KIF6: variants seen among roughly 807,000 people sequenced by gnomAD.
KIF6 encodes kinesin-like protein KIF6.
KIF6 carries 106 observed loss-of-function variants against 112.7 expected under a neutral mutation model. The observed-to-expected ratio is 0.94, with a 90% CI of 0.80 to 1.11. The LOEUF is 1.11. Among genes scored for constraint, KIF6 ranks in the 50% least tolerant of loss-of-function variants. KIF6 has a pLI of 0.00. For missense variants in KIF6, 929 were observed against 964.0 expected (o/e 0.96, Z 0.48); for synonymous variants, 339 against 339.9 (o/e 1.00, Z 0.03).
rs1295434555 is a variant in KIF6 at position 39,333,042 on chromosome 6, A to G, written c.*3490T>C. The G allele has an allele frequency of 6.6e-6, 1 of 152,222 alleles. No individual in the cohort carries two copies. The highest frequency in any genetic ancestry group is 1.5e-5 in the Non-Finnish European group (1 of 68,040). The allele number at this position is 152,222 out of a possible 1,614,324, so 9.4% of individuals were successfully genotyped here. On this transcript the variant is annotated 3_prime_UTR_variant, in exon 23 of 23. Transcript: ENST00000287152. ...TCAATCATACCCTATATTGCTTGTTATCCAATGGCTGAAAACCATTGGTTT... is the reference window on the plus strand; with the variant it reads ...TCAATCATACCCTATATTGCTTGTTGTCCAATGGCTGAAAACCATTGGTTT...
At chr6:39,429,648 G>A (rs1303852225) in intron 14 of KIF6, among the ~76,000 whole-genome samples, 4 of 152,204 alleles carry the variant, frequency 2.6e-5, no homozygotes, top group Admixed American at 6.5e-5. Context: ...AGTGGCTCAT[G>A]CCTGTAATCC....
intron 5 of KIF6, among the ~76,000 whole-genome samples, chr6:39,621,059 G>A (rs941174416): frequency 4.6e-5 from 7 of 151,608 alleles, no homozygotes; most frequent in Admixed American, 2.6e-4. Flanking sequence ...GTGAGCCACC[G>A]CACCCAGCCT....
chr6:39,460,536 T>TA (rs759528125), intron 13 of KIF6, among the ~76,000 whole-genome samples: 8,567 of 57,124 alleles, frequency 0.15, 525 homozygotes, highest in East Asian at 0.22. Flanking sequence ...AAAAAAAAAG[T>TA]AAAAAAAAAA....
chr6:39,664,969 A>C (rs190624213), intron 3 of KIF6, among the ~76,000 whole-genome samples: 9 of 152,334 alleles, frequency 5.9e-5, no homozygotes, highest in Non-Finnish European at 4.4e-5. Flanking sequence ...ACTAGGCAAT[A>C]ATAACATATT....
In KIF6 at chr6:39,343,588, C is replaced by T; in HGVS notation, c.2428+121G>A. On this transcript the variant is annotated intron_variant, in intron 22 of 22. Transcript: ENST00000287152. The surrounding 1 kb of genome is among the most constrained non-coding windows in gnomAD (Gnocchi z 4.1). ...GGGCACATGTGACTGACAGGCAGGC[C>T]AGTCCTGTGGCTTCAGGAATATGCA... The T allele has an allele frequency of 8.7e-7, 1 of 1,149,460 alleles. No homozygotes were observed. Among genetic ancestry groups the T allele is most frequent in the Non-Finnish European group, 1.2e-6 (1 of 814,552 alleles). 71.2% of individuals were successfully genotyped at this position (1,149,460 alleles called of 1,614,324 possible).
At chr6:39,652,471 G>A (rs1785527413) in intron 3 of KIF6, among the ~76,000 whole-genome samples, 1 of 151,430 alleles carries the variant, frequency 6.6e-6, no homozygotes, top group Non-Finnish European at 1.5e-5. Flanking sequence ...AGGTTGCAGT[G>A]AGCTGAGATC....
chr6:39,511,706 T>A (rs1776794750), intron 13 of KIF6, among the ~76,000 whole-genome samples: 1 of 152,200 alleles, frequency 6.6e-6, no homozygotes, highest in Non-Finnish European at 1.5e-5. Context: ...TGTCCATCAA[T>A]GATAGACTGA....
chr6:39,563,443 GTA>G (rs1780117454), intron 10 of KIF6, among the ~76,000 whole-genome samples: 1 of 152,010 alleles, frequency 6.6e-6, no homozygotes, highest in South Asian at 2.1e-4. Context: ...AAAACTAACA[GTA>G]TAGTTTAGAC....
intron 13 of KIF6, chr6:39,431,370 A>G: frequency 2.0e-6 from 1 of 504,928 alleles, no homozygotes; most frequent in Non-Finnish European, 3.5e-6. Flanking sequence ...ACCCCTCAGG[A>G]CTGTGCCTGC....
chr6:39,511,948 G>A (rs947907458), intron 13 of KIF6, among the ~76,000 whole-genome samples: 1 of 152,224 alleles, frequency 6.6e-6, no homozygotes, highest in African/African-American at 2.4e-5. Flanking sequence ...CTGTTGAGGG[G>A]TGGGGGACTG....
intron 13 of KIF6, among the ~76,000 whole-genome samples, chr6:39,511,687 C>T (rs547523477): frequency 3.3e-4 from 51 of 152,258 alleles, no homozygotes; most frequent in South Asian, 1.7e-3. Flanking sequence ...GACTTGGAAC[C>T]AACCCAAATG....
At chr6:39,546,547 C>T (rs917641871) in intron 10 of KIF6, among the ~76,000 whole-genome samples, 4 of 152,120 alleles carry the variant, frequency 2.6e-5, no homozygotes, top group African/African-American at 4.8e-5. Context: ...CTAGTTTGGC[C>T]GGGTACAGTG....
intron 13 of KIF6, among the ~76,000 whole-genome samples, chr6:39,498,566 G>A (rs1246963840): frequency 6.6e-6 from 1 of 152,100 alleles, no homozygotes; most frequent in Non-Finnish European, 1.5e-5. Context: ...GGTCAGTGTT[G>A]CATCTACTCC....
intron 9 of KIF6, 39 bp downstream of exon 9, chr6:39,584,859 T>C: frequency 7.8e-7 from 1 of 1,277,920 alleles, no homozygotes; most frequent in African/African-American, 1.5e-5. Flanking sequence ...TTTGATATAC[T>C]TTAATATATT....
At chr6:39,533,239 G>A (rs915077216) in intron 13 of KIF6, among the ~76,000 whole-genome samples, 14 of 152,228 alleles carry the variant, frequency 9.2e-5, no homozygotes, top group African/African-American at 3.4e-4. Flanking sequence ...CAAGGGGTCA[G>A]GGAGTTCCCT....
intron 5 of KIF6, among the ~76,000 whole-genome samples, chr6:39,618,480 C>T (rs984879732): frequency 2.6e-5 from 4 of 152,152 alleles, no homozygotes; most frequent in African/African-American, 7.2e-5. Flanking sequence ...CTTCGTTATG[C>T]GCCCTCCCTT....
intron 10 of KIF6, among the ~76,000 whole-genome samples, chr6:39,552,247 C>T (rs1779428535): frequency 6.6e-6 from 1 of 152,214 alleles, no homozygotes; most frequent in African/African-American, 2.4e-5. Flanking sequence ...TGACTTTACA[C>T]ATGTTTTCTT....
chr6:39,458,162 G>C (rs1029739473), intron 13 of KIF6, among the ~76,000 whole-genome samples: 6 of 148,026 alleles, frequency 4.1e-5, no homozygotes, highest in Non-Finnish European at 6.0e-5. Flanking sequence ...ACATCAAAAA[G>C]CTTATCCACC....
intron 13 of KIF6, among the ~76,000 whole-genome samples, chr6:39,443,036 C>T (rs1772026638): frequency 6.6e-6 from 1 of 151,300 alleles, no homozygotes; most frequent in South Asian, 2.1e-4. Context: ...ATGGCGTGAA[C>T]CCGGGAGGTG....
Sources: gnomAD v4.1 joint callset for allele counts (sites outside exome capture counted in the v4.1 genomes callset) on GRCh38, gnomAD v4.1.1 for gene constraint, Gnocchi (gnomAD v3.1) non-coding constraint, MANE v1.5 for transcripts, NCBI Gene and HGNC (gene_info 2026-07-23, HGNC 2026-07-21) for gene names.